Variants in TDP1 observed in about 807,000 individuals in gnomAD.
TDP1 encodes the protein tyr-DNA phosphodiesterase 1.
Under a neutral mutation model 81.5 loss-of-function variants are expected in TDP1, and 64 were observed. The ratio of observed to expected loss-of-function variants is 0.79; its 90% CI spans 0.64 to 0.97. The LOEUF (loss-of-function observed/expected upper bound fraction) is 0.97, where lower values mean the gene tolerates loss of function less well. TDP1 is among the 50% of genes least tolerant of loss of function. The pLI is 0.00. For synonymous variants in TDP1, 256 were observed against 264.3 expected (o/e 0.97, Z 0.30); for missense variants, 723 against 743.8 (o/e 0.97, Z 0.33).
chr14:89,983,411 T>G (rs1215629151), intron 8 of TDP1: 3 of 212,352 alleles, frequency 1.4e-5, no homozygotes, highest in Non-Finnish European at 2.9e-5. Flanking sequence ...ACTTGCAGAG[T>G]TGAGAAGATG....
At chr14:90,008,157 T>A (rs759010200) in intron 14 of TDP1, among the ~76,000 whole-genome samples, 1 of 152,252 alleles carries the variant, frequency 6.6e-6, no homozygotes. Flanking sequence ...GGTAAAATTA[T>A]TGGCTATTAT....
At chr14:90,025,823 G>A (rs1886582731) in intron 15 of TDP1, among the ~76,000 whole-genome samples, 1 of 152,164 alleles carries the variant, frequency 6.6e-6, no homozygotes, top group Admixed American at 6.5e-5. Flanking sequence ...TTCTCTCTTT[G>A]GACCTCATTC....
chr14:90,022,787 T>A, intron 15 of TDP1: 1 of 985,200 alleles, frequency 1.0e-6, no homozygotes, highest in Non-Finnish European at 1.2e-6. Context: ...TTAACATTGA[T>A]GGTTTTGACC....
intron 14 of TDP1, among the ~76,000 whole-genome samples, chr14:89,996,875 T>C (rs527797642): frequency 2.6e-5 from 4 of 152,298 alleles, no homozygotes; most frequent in African/African-American, 9.6e-5. Flanking sequence ...GAGGTGGCGT[T>C]ATCCCCTCCC....
chr14:89,970,402 C>A lies in TDP1; in HGVS notation c.660-773C>A, dbSNP rs148663026. Among the ~76,000 whole-genome samples the A allele has an allele frequency of 3.2e-3, 486 of 152,260 alleles. 4 individuals carry two copies. The highest frequency in any genetic ancestry group is 9.9e-3 in the African/African-American group (411 of 41,540). On this transcript the variant is annotated intron_variant, in intron 5 of 16. Coordinates refer to ENST00000335725, the MANE Select transcript of TDP1 (RefSeq NM_018319.4). The stretch of plus-strand genomic sequence containing the variant: ...GCCTGGGCCTGTTCTCTGTTGTATC[C>A]TGGGTCTAGCTCAGTACATAGCACA...
intron 14 of TDP1, among the ~76,000 whole-genome samples, chr14:90,013,864 G>C (rs1241114723): frequency 6.6e-6 from 1 of 152,024 alleles, no homozygotes. Context: ...CATTTTCTCT[G>C]TTTGCCTGCT....
intron 12 of TDP1, 21 bp downstream of exon 12, chr14:89,989,786 C>T (rs1294294147): frequency 6.3e-7 from 1 of 1,583,826 alleles, no homozygotes. Context: ...GGGAGACTGT[C>T]TTGATTGTGT....
chr14:89,998,400 A>G lies in TDP1; in HGVS notation c.1541+4917A>G, dbSNP rs61423603. On this transcript the variant is annotated intron_variant, in intron 14 of 16. Coordinates refer to ENST00000335725, the MANE Select transcript of TDP1 (RefSeq NM_018319.4). ...TATATATATATATATATATATATAT[A>G]TATATATATATATATATATATATGT... 9.1e-3 allele frequency among the ~76,000 whole-genome samples: 1,070 copies of G among 117,300 alleles called. 65 individuals carry two copies. The highest frequency in any genetic ancestry group is 0.038 in the African/African-American group (814 of 21,208). 77.0% of individuals were successfully genotyped at this position (117,300 alleles called of 152,430 possible). A position where few individuals can be genotyped will look rare whatever the true frequency, so the allele number is the denominator to read the frequency against.
chr14:90,040,038 T>C (rs1371430562), intron 16 of TDP1, among the ~76,000 whole-genome samples: 1 of 152,138 alleles, frequency 6.6e-6, no homozygotes, highest in East Asian at 1.9e-4. Context: ...AGGCACACAG[T>C]ATGACCACAG....
At chr14:89,985,255 T>C (rs1482527286) in intron 10 of TDP1, 45 bp downstream of exon 10, 2 of 1,107,478 alleles carry the variant, frequency 1.8e-6, no homozygotes, top group Admixed American at 3.8e-5. Context: ...AAATTTAATG[T>C]ATATTCTCTC....
intron 10 of TDP1, among the ~76,000 whole-genome samples, chr14:89,988,146 G>A (rs1895777406): frequency 1.3e-5 from 2 of 152,210 alleles, no homozygotes; most frequent in Admixed American, 1.3e-4. Flanking sequence ...AGGGGAAGGG[G>A]CACAGAGCTT....
At chr14:89,975,530 A>G in intron 6 of TDP1, 1 of 944,572 alleles carries the variant, frequency 1.1e-6, no homozygotes, top group Non-Finnish European at 1.3e-6. Flanking sequence ...TGTAATTAAA[A>G]ATGTAGTATA....
chr14:90,021,995 T>C (rs35927262), intron 15 of TDP1, among the ~76,000 whole-genome samples: 4,683 of 152,340 alleles, frequency 0.031, 109 homozygotes, highest in African/African-American at 0.067. Flanking sequence ...TTGGTTGGGC[T>C]GTGTCCTTCA....
intron 10 of TDP1, among the ~76,000 whole-genome samples, chr14:89,985,805 G>A (rs1358912222): frequency 6.6e-6 from 1 of 152,144 alleles, no homozygotes; most frequent in African/African-American, 2.4e-5. Flanking sequence ...GAGAGGGGCG[G>A]ATCACAAGGT....
chr14:89,988,418 A>G (rs1042754447), intron 10 of TDP1: 1 of 191,476 alleles, frequency 5.2e-6, no homozygotes, highest in Admixed American at 6.5e-5. Context: ...GAAGTTGCCT[A>G]GGGTCTGCCA....
intron 16 of TDP1, chr14:90,033,583 G>T (rs1376101325): frequency 3.6e-6 from 1 of 281,186 alleles, no homozygotes; most frequent in Admixed American, 4.5e-5. Flanking sequence ...GTCTACACTT[G>T]GGCAAAATAA....
chr14:90,023,412 C>G (rs1199400495), intron 15 of TDP1, among the ~76,000 whole-genome samples: 2 of 152,124 alleles, frequency 1.3e-5, no homozygotes, highest in Non-Finnish European at 2.9e-5. Flanking sequence ...GACTGGAGAA[C>G]AGAACACACC....
intron 15 of TDP1, among the ~76,000 whole-genome samples, chr14:90,021,418 A>C (rs1372980821): frequency 6.6e-6 from 1 of 152,204 alleles, no homozygotes; most frequent in South Asian, 2.1e-4. Flanking sequence ...TAAATTCCAC[A>C]TCACTCCTGT....
At chr14:90,012,425 C>A (rs1031657231) in intron 14 of TDP1, among the ~76,000 whole-genome samples, 22 of 150,788 alleles carry the variant, frequency 1.5e-4, no homozygotes, top group African/African-American at 5.1e-4. Flanking sequence ...CTGTGTGGGG[C>A]CTCCGACCCC....
Sources: allele counts gnomAD v4.1 joint callset (sites outside exome capture counted in the v4.1 genomes callset), GRCh38; gene constraint gnomAD v4.1.1; transcripts MANE v1.5; gene names NCBI Gene and HGNC (gene_info 2026-07-23, HGNC 2026-07-21).